XRCC6: variants seen among roughly 807,000 people sequenced by gnomAD.
XRCC6 encodes X-ray repair cross complementing 6, also known as DNA repair protein Ku70.
A neutral mutation model predicts 65.7 loss-of-function variants in XRCC6; 5 were observed. The observed-to-expected ratio is 0.08, with a 90% CI of 0.04 to 0.16. XRCC6 has a LOEUF of 0.16. Among genes scored for constraint, XRCC6 ranks in the 10% least tolerant of loss-of-function variants. The pLI is 1.00. For synonymous variants in XRCC6, 270 were observed against 270.6 expected (o/e 1.00, Z 0.02); for missense variants, 447 against 738.1 (o/e 0.61, Z 4.57).
chr22:41,631,724 G>A (rs1490403269), intron 3 of XRCC6, among the ~76,000 whole-genome samples: 17 of 151,694 alleles, frequency 1.1e-4, no homozygotes, highest in Non-Finnish European at 2.1e-4. Flanking sequence ...CCCAGACGGG[G>A]TGGCGGCCGG....
chr22:41,658,408 C>G (rs1187081473), intron 11 of XRCC6, 56 bp downstream of exon 11: 28 of 1,514,940 alleles, frequency 1.8e-5, no homozygotes, highest in Non-Finnish European at 2.4e-5. Flanking sequence ...ACTGGTTCCA[C>G]TCTGCACCAG....
At chr22:41,648,070 C>G (rs1050305282) in intron 7 of XRCC6, 2 of 115,796 alleles carry the variant, frequency 1.7e-5, no homozygotes, top group Non-Finnish European at 3.4e-5. Flanking sequence ...CTCTCCCCTC[C>G]TCTCTTCTGT....
intron 1 of XRCC6, 50 bp from the exon 2 acceptor site, chr22:41,621,940 T>G: frequency 6.4e-7 from 1 of 1,574,464 alleles, no homozygotes; most frequent in Non-Finnish European, 8.7e-7. Flanking sequence ...GAGGTCGGTA[T>G]TTTTTCGATT....
intron 2 of XRCC6, among the ~76,000 whole-genome samples, chr22:41,624,409 G>A (rs113397930): frequency 0.024 from 3,631 of 151,330 alleles, 169 homozygotes; most frequent in African/African-American, 0.084. Context: ...AATAGGGGCC[G>A]GGCGCGGTGG....
chr22:41,659,376 AT>A (rs1213510224), intron 11 of XRCC6, among the ~76,000 whole-genome samples: 1 of 151,764 alleles, frequency 6.6e-6, no homozygotes, highest in Non-Finnish European at 1.5e-5. Context: ...AGCCCGGTTA[AT>A]TTTTTTGTAT....
intron 7 of XRCC6, among the ~76,000 whole-genome samples, chr22:41,650,377 A>C (rs1295168162): frequency 6.6e-6 from 1 of 152,124 alleles, no homozygotes; most frequent in Non-Finnish European, 1.5e-5. Flanking sequence ...CTGGGATTAC[A>C]GGCATGAGGC....
At chr22:41,631,227 G>A (rs1393971825) in intron 3 of XRCC6, among the ~76,000 whole-genome samples, 7 of 150,860 alleles carry the variant, frequency 4.6e-5, no homozygotes, top group East Asian at 2.0e-4. Context: ...GGGCAGAGGC[G>A]CCCCTCACCT....
At chr22:41,639,309 C>T (rs1331969385) in intron 6 of XRCC6, among the ~76,000 whole-genome samples, 1 of 140,284 alleles carries the variant, frequency 7.1e-6, no homozygotes, top group South Asian at 2.3e-4. Context: ...CAATGGGAAC[C>T]AGATTGCTAG....
At chr22:41,659,557 G>A (rs1035823604) in intron 11 of XRCC6, among the ~76,000 whole-genome samples, 4 of 151,870 alleles carry the variant, frequency 2.6e-5, no homozygotes, top group Non-Finnish European at 4.4e-5. Context: ...CCAGGCTGGT[G>A]TCAAATTCCT....
chr22:41,662,787 A>G (rs1016353567), intron 12 of XRCC6, among the ~76,000 whole-genome samples: 16 of 152,142 alleles, frequency 1.1e-4, no homozygotes, highest in African/African-American at 3.9e-4. Context: ...TCTATTTAAA[A>G]TGATACAGAA....
chr22:41,642,735 ATAGT>A (rs1387679443), intron 6 of XRCC6, among the ~76,000 whole-genome samples: 2 of 152,236 alleles, frequency 1.3e-5, no homozygotes, highest in African/African-American at 2.4e-5. Flanking sequence ...ACAAAAAAAA[ATAGT>A]TACTTTTGAA....
At chr22:41,630,689 G>T (rs2067732242) in intron 3 of XRCC6, among the ~76,000 whole-genome samples, 1 of 151,966 alleles carries the variant, frequency 6.6e-6, no homozygotes, top group Non-Finnish European at 1.5e-5. Context: ...AGATTAGGGA[G>T]TGGTGATGAC....
intron 3 of XRCC6, 151 bp from the exon 4 acceptor site, chr22:41,635,962 C>A: frequency 1.7e-6 from 1 of 598,190 alleles, no homozygotes; most frequent in Non-Finnish European, 2.8e-6. Flanking sequence ...ATTACTTTCA[C>A]TGATTCATTA....
chr22:41,641,514 T>C (rs2067876590), intron 6 of XRCC6, among the ~76,000 whole-genome samples: 1 of 152,188 alleles, frequency 6.6e-6, no homozygotes, highest in Non-Finnish European at 1.5e-5. Context: ...TATTATTGAC[T>C]ATAGTCACCC....
chr22:41,655,939 G>C (rs2068040888), intron 9 of XRCC6, among the ~76,000 whole-genome samples: 1 of 151,664 alleles, frequency 6.6e-6, no homozygotes. Context: ...AGTTAAAATA[G>C]AAAAGGAGGC....
intron 3 of XRCC6, among the ~76,000 whole-genome samples, chr22:41,634,648 G>A (rs929852225): frequency 3.3e-5 from 5 of 151,680 alleles, no homozygotes; most frequent in South Asian, 4.2e-4. Flanking sequence ...GGGTTCAAGC[G>A]ATTCTCCTGC....
At chr22:41,621,923 G>T (rs1029708576) in intron 1 of XRCC6, 67 bp from the exon 2 acceptor site, 27 of 1,466,366 alleles carry the variant, frequency 1.8e-5, no homozygotes, top group Non-Finnish European at 2.3e-5. Context: ...GATCTCACAA[G>T]AACCTAGAGG....
At chr22:41,643,038 C>T (rs1343291643) in intron 6 of XRCC6, among the ~76,000 whole-genome samples, 2 of 152,228 alleles carry the variant, frequency 1.3e-5, no homozygotes, top group African/African-American at 4.8e-5. Context: ...CTTGTCTAAA[C>T]ATGTTCTTTT....
chr22:41,661,640 G>A (rs1695071827), intron 12 of XRCC6, 196 bp downstream of exon 12: 2 of 543,826 alleles, frequency 3.7e-6, no homozygotes, highest in Admixed American at 3.4e-5. Context: ...TGGTGGGAAT[G>A]TAAATTAGTA....
Sources: gnomAD v4.1 joint callset for allele counts (sites outside exome capture counted in the v4.1 genomes callset) on GRCh38, gnomAD v4.1.1 for gene constraint, MANE v1.5 for transcripts, NCBI Gene and HGNC (gene_info 2026-07-23, HGNC 2026-07-21) for gene names.